The following RAPGEF2 variants were observed in gnomAD, a reference collection of about 807,000 sequenced individuals.
RAPGEF2 encodes Rap guanine nucleotide exchange factor 2, also known as PDZ domain containing guanine nucleotide exchange factor (GEF) 1.
A neutral mutation model predicts 186.7 loss-of-function variants in RAPGEF2; 54 were observed. The ratio of observed to expected loss-of-function variants is 0.29; its 90% CI spans 0.23 to 0.36. The LOEUF is 0.36. RAPGEF2 is among the 10% of genes least tolerant of loss of function. The pLI, the probability that RAPGEF2 is intolerant of heterozygous loss-of-function variation, is 1.00. For missense variants in RAPGEF2, 1,532 were observed against 2,045.0 expected (o/e 0.75, Z 4.84); for synonymous variants, 712 against 705.9 (o/e 1.01, Z -0.14).
intron 7 of RAPGEF2, among the ~76,000 whole-genome samples, chr4:159,263,451 G>A (rs747767308): frequency 2.6e-5 from 4 of 152,178 alleles, no homozygotes; most frequent in East Asian, 1.9e-4. Context: ...TTGTTTTCTC[G>A]TATCAAAGAA....
chr4:159,261,608 T>G (rs1255335094), intron 7 of RAPGEF2, among the ~76,000 whole-genome samples: 3 of 152,236 alleles, frequency 2.0e-5, no homozygotes, highest in Admixed American at 6.5e-5. Flanking sequence ...GTATTAAATA[T>G]TACCAGCTTT....
chr4:159,291,238 G>A (rs968406719), intron 7 of RAPGEF2, among the ~76,000 whole-genome samples: 1 of 152,144 alleles, frequency 6.6e-6, no homozygotes, highest in African/African-American at 2.4e-5. Flanking sequence ...TAAAATCAAG[G>A]TAGTTTCCTG....
intron 4 of RAPGEF2, among the ~76,000 whole-genome samples, chr4:159,236,312 CA>C (rs1207977591): frequency 6.6e-6 from 1 of 152,104 alleles, no homozygotes; most frequent in East Asian, 1.9e-4. Flanking sequence ...TTTTCATCCC[CA>C]AAGTAATAGT....
At chr4:159,261,768 G>A (rs1165900707) in intron 7 of RAPGEF2, among the ~76,000 whole-genome samples, 2 of 152,042 alleles carry the variant, frequency 1.3e-5, no homozygotes, top group South Asian at 2.1e-4. Flanking sequence ...TAAGATTTTG[G>A]GGATTGTACA....
intron 26 of RAPGEF2, 159 bp from the exon 27 acceptor site, chr4:159,352,526 T>G (rs986439375): frequency 5.0e-6 from 3 of 599,258 alleles, no homozygotes; most frequent in Non-Finnish European, 6.0e-6. Context: ...ATAAAACATT[T>G]GTCTCTTAGT....
intron 7 of RAPGEF2, among the ~76,000 whole-genome samples, chr4:159,253,194 CTG>C (rs1755676558): frequency 6.6e-6 from 1 of 152,210 alleles, no homozygotes; most frequent in Non-Finnish European, 1.5e-5. Flanking sequence ...CTTTCAAAGA[CTG>C]CACCAAAATT....
intron 4 of RAPGEF2, among the ~76,000 whole-genome samples, chr4:159,215,839 G>C (rs1009835740): frequency 1.3e-5 from 2 of 152,172 alleles, no homozygotes; most frequent in African/African-American, 2.4e-5. Context: ...ATGCCAATAG[G>C]AGGTTGGTAA....
chr4:159,271,478 C>G (rs999156185), intron 7 of RAPGEF2, among the ~76,000 whole-genome samples: 1 of 152,100 alleles, frequency 6.6e-6, no homozygotes, highest in Non-Finnish European at 1.5e-5. Context: ...ATAGCAGACA[C>G]TATATTACAT....
intron 6 of RAPGEF2, 23 bp from the exon 7 acceptor site, chr4:159,243,751 A>G: frequency 1.6e-6 from 2 of 1,272,168 alleles, no homozygotes; most frequent in Non-Finnish European, 2.1e-6. Context: ...CCTTTATGGC[A>G]CTCATTTCAT....
rs567417959 is a variant in RAPGEF2, at chr4:159,262,963, T to C, written c.543+19172T>C. ...GTGTTTCTAAAGACTGTATTTAGAT[T>C]CACTTAGATGTTTAGTTAGCATTTC... is the stretch of plus-strand genomic sequence containing the variant. On this transcript the variant is annotated intron_variant, in intron 7 of 29. Coordinates refer to ENST00000691494, the MANE Select transcript of RAPGEF2 (RefSeq NM_001394067.2). Among the ~76,000 whole-genome samples, 15 of 152,344 alleles carry C rather than the reference T, an allele frequency of 9.8e-5. No individual in the cohort carries two copies. In the South Asian group the frequency reaches 2.9e-3, roughly 29 times the overall value.
intron 26 of RAPGEF2, chr4:159,351,210 G>C: frequency 6.6e-7 from 1 of 1,523,808 alleles, no homozygotes; most frequent in Admixed American, 2.0e-5. Flanking sequence ...AAAATGGGGT[G>C]GGAAAGAGAG....
In RAPGEF2 at chr4:159,188,959, A is replaced by G. The variant is rs533314774; in HGVS notation, c.140+2247A>G. On this transcript the variant is annotated intron_variant, in intron 2 of 29. Coordinates refer to ENST00000691494, the MANE Select transcript of RAPGEF2 (RefSeq NM_001394067.2). ...GAAAACATCACCTTAAACTAATTTAAGTTCTTTTTTAGAACAAGATCAGGA... is the reference window on the plus strand; with the variant it reads ...GAAAACATCACCTTAAACTAATTTAGGTTCTTTTTTAGAACAAGATCAGGA... Among the ~76,000 whole-genome samples, 3 of 152,364 alleles carry G rather than the reference A, an allele frequency of 2.0e-5. No homozygotes were observed. In the East Asian group the frequency reaches 5.8e-4, roughly 29 times the overall value.
chr4:159,183,708 T>C (rs1747259447), intron 1 of RAPGEF2, among the ~76,000 whole-genome samples: 1 of 152,208 alleles, frequency 6.6e-6, no homozygotes, highest in Admixed American at 6.5e-5. Context: ...AATTTAATGA[T>C]AAAAAGACAG....
intron 1 of RAPGEF2, among the ~76,000 whole-genome samples, chr4:159,169,785 T>A (rs1236539253): frequency 6.6e-6 from 1 of 152,228 alleles, no homozygotes; most frequent in Non-Finnish European, 1.5e-5. Context: ...TATTCTGTTA[T>A]ACCTATATAC....
At chr4:159,248,543 A>G (rs1754925550) in intron 7 of RAPGEF2, among the ~76,000 whole-genome samples, 1 of 152,168 alleles carries the variant, frequency 6.6e-6, no homozygotes, top group African/African-American at 2.4e-5. Flanking sequence ...TCTCTGAACA[A>G]TGGGTGGATG....
chr4:159,196,850 G>T (rs753868919), intron 3 of RAPGEF2, among the ~76,000 whole-genome samples: 1 of 152,180 alleles, frequency 6.6e-6, no homozygotes, highest in South Asian at 2.1e-4. Context: ...TGACAAAAAC[G>T]CCATTTTAGA....
Position 159,344,029 on chromosome 4 carries a change from C to T in RAPGEF2, c.3255-7C>T. The stretch of plus-strand genomic sequence containing the variant: ...CATGCTTCAATCTCCATGGCTCTCA[C>T]TTACAGGAAGAAGAAATGGCGGAGT... On this transcript the variant is annotated splice_polypyrimidine_tract_variant and splice_region_variant and intron_variant, in intron 22 of 29. Transcript: ENST00000691494. 1 of 1,533,778 alleles carries T rather than the reference C, an allele frequency of 6.5e-7. No homozygotes were observed.
intron 6 of RAPGEF2, among the ~76,000 whole-genome samples, chr4:159,242,127 C>T (rs1226510329): frequency 6.6e-6 from 1 of 151,810 alleles, no homozygotes; most frequent in Non-Finnish European, 1.5e-5. Context: ...TTCAAGATCT[C>T]AATAAAGTCA....
chr4:159,337,762 C>A (rs925688969), intron 17 of RAPGEF2, among the ~76,000 whole-genome samples: 2 of 151,256 alleles, frequency 1.3e-5, no homozygotes, highest in South Asian at 4.2e-4. Flanking sequence ...TGGTGGCGGA[C>A]GCCTGTAGTC....
Sources: gnomAD v4.1 joint callset for allele counts (sites outside exome capture counted in the v4.1 genomes callset) on GRCh38, gnomAD v4.1.1 for gene constraint, MANE v1.5 for transcripts, NCBI Gene and HGNC (gene_info 2026-07-23, HGNC 2026-07-21) for gene names.